The following CSMD1 variants were observed in gnomAD, a reference collection of about 807,000 sequenced individuals.
CSMD1 encodes CUB and sushi domain-containing protein 1.
In CSMD1, 213 loss-of-function variants were observed where a neutral mutation model predicts 417.5. The ratio of observed to expected loss-of-function variants is 0.51; its 90% CI spans 0.46 to 0.57. The LOEUF (loss-of-function observed/expected upper bound fraction) is 0.57, where lower values mean the gene tolerates loss of function less well. Among genes scored for constraint, CSMD1 ranks in the 20% least tolerant of loss-of-function variants. The pLI is 0.00. For missense variants in CSMD1, 6,923 were observed against 4,529.7 expected (o/e 1.53, Z -15.17); for synonymous variants, 2,862 against 1,736.8 (o/e 1.65, Z -16.11).
Position 3,638,823 on chromosome 8 carries a change from C to A in CSMD1, c.1010-22026G>T, listed in dbSNP as rs575135452. On this transcript the variant is annotated intron_variant, in intron 7 of 69. Transcript: ENST00000635120. ...TGAGACTCCTCCCTCTCTCCTTCCT[C>A]ACACCTTGTCTCCAGGAAGATACCC... Among the ~76,000 whole-genome samples the A allele has an allele frequency of 1.7e-4, 26 of 152,272 alleles. 2 individuals are homozygous for A. Among genetic ancestry groups the A allele is most frequent in the Admixed American group, 8.5e-4 (13 of 15,298 alleles).
intron 11 of CSMD1, among the ~76,000 whole-genome samples, chr8:3,488,062 C>G (rs556292982): frequency 1.3e-5 from 2 of 149,444 alleles, no homozygotes; most frequent in South Asian, 4.2e-4. Flanking sequence ...AAACTCAAAC[C>G]AAATAAATGT....
intron 26 of CSMD1, among the ~76,000 whole-genome samples, chr8:3,245,460 T>C (rs1447094050): frequency 6.6e-6 from 1 of 152,206 alleles, no homozygotes; most frequent in African/African-American, 2.4e-5. Context: ...ACTTTCTCAG[T>C]TCCTTTGAAA....
intron 42 of CSMD1, among the ~76,000 whole-genome samples, chr8:3,117,654 G>C (rs939455895): frequency 2.6e-5 from 4 of 152,134 alleles, no homozygotes; most frequent in African/African-American, 9.7e-5. Flanking sequence ...TTGAAAAAAT[G>C]TCAAAGTCAT....
At chr8:3,039,177 C>G (rs62490500) in intron 50 of CSMD1, among the ~76,000 whole-genome samples, 2 of 150,812 alleles carry the variant, frequency 1.3e-5, no homozygotes, top group Admixed American at 1.3e-4. Context: ...AAGGTATATT[C>G]CTAGATTCCT....
chr8:4,185,416 A>G (rs908326493), intron 3 of CSMD1, among the ~76,000 whole-genome samples: 1 of 152,152 alleles, frequency 6.6e-6, no homozygotes, highest in Non-Finnish European at 1.5e-5. Context: ...AGCAATAAAC[A>G]TACACGTGTG....
intron 1 of CSMD1, among the ~76,000 whole-genome samples, chr8:4,681,205 A>T (rs921741285): frequency 6.6e-6 from 1 of 152,166 alleles, no homozygotes; most frequent in African/African-American, 2.4e-5. Flanking sequence ...CATTTTCTGT[A>T]GGAAATGAGA....
chr8:3,472,626 A>T (rs1210350618), intron 11 of CSMD1, among the ~76,000 whole-genome samples: 1 of 152,102 alleles, frequency 6.6e-6, no homozygotes, highest in Admixed American at 6.6e-5. Flanking sequence ...CACTAGACAC[A>T]TGGTGCCACA....
intron 1 of CSMD1, among the ~76,000 whole-genome samples, chr8:4,922,731 C>G (rs1041853941): frequency 2.0e-5 from 3 of 152,118 alleles, no homozygotes; most frequent in Non-Finnish European, 4.4e-5. Context: ...ATTCTGTGTT[C>G]TCACGCCCCT....
intron 1 of CSMD1, among the ~76,000 whole-genome samples, chr8:4,858,367 C>G (rs868083094): frequency 2.6e-5 from 4 of 151,584 alleles, no homozygotes; most frequent in Non-Finnish European, 5.9e-5. Flanking sequence ...GACAGGGATG[C>G]CCTCTCTCAC....
At chr8:3,597,481 A>G (rs1801149947) in intron 8 of CSMD1, among the ~76,000 whole-genome samples, 1 of 152,168 alleles carries the variant, frequency 6.6e-6, no homozygotes, top group Non-Finnish European at 1.5e-5. Context: ...AGGCTATTAA[A>G]TAGTTGTAAA....
chr8:3,260,637 A>AT (rs916918924), intron 26 of CSMD1, among the ~76,000 whole-genome samples: 2 of 151,886 alleles, frequency 1.3e-5, no homozygotes, highest in Admixed American at 1.3e-4. Flanking sequence ...GGAGAGAAAC[A>AT]TTTTTGACAA....
chr8:4,022,603 G>T (rs1003301340), intron 4 of CSMD1, among the ~76,000 whole-genome samples: 3 of 152,148 alleles, frequency 2.0e-5, no homozygotes, highest in Admixed American at 6.6e-5. Flanking sequence ...CCAAGTTACT[G>T]CTTTGCGACA....
chr8:3,027,235 C>T (rs1245512434), intron 51 of CSMD1, among the ~76,000 whole-genome samples: 1 of 152,028 alleles, frequency 6.6e-6, no homozygotes, highest in Non-Finnish European at 1.5e-5. Flanking sequence ...ACAAAAGTAA[C>T]AATATACTCC....
chr8:3,594,735 A>G (rs181800601), intron 8 of CSMD1, among the ~76,000 whole-genome samples: 154 of 152,260 alleles, frequency 1.0e-3, no homozygotes, highest in African/African-American at 3.6e-3. Flanking sequence ...ATATTAACAC[A>G]AAGCACAGAA....
At chr8:3,601,896 G>T (rs1332139365) in intron 8 of CSMD1, among the ~76,000 whole-genome samples, 1 of 152,124 alleles carries the variant, frequency 6.6e-6, no homozygotes, top group Non-Finnish European at 1.5e-5. Context: ...TCACAGATCT[G>T]CCCTAGAGAG....
At chr8:4,269,074 T>G (rs963744391) in intron 3 of CSMD1, among the ~76,000 whole-genome samples, 4 of 152,332 alleles carry the variant, frequency 2.6e-5, no homozygotes, top group African/African-American at 9.6e-5. Flanking sequence ...TTTTTGTTTT[T>G]GAGACGGAGT....
chr8:3,666,021 G>A (rs1415123383), intron 7 of CSMD1, among the ~76,000 whole-genome samples: 1 of 152,108 alleles, frequency 6.6e-6, no homozygotes, highest in Non-Finnish European at 1.5e-5. Flanking sequence ...AGCCTCCACG[G>A]AGTAGGTGGG....
At chr8:3,899,080 G>A (rs368841382) in intron 5 of CSMD1, among the ~76,000 whole-genome samples, 11 of 152,186 alleles carry the variant, frequency 7.2e-5, no homozygotes, top group African/African-American at 1.2e-4. Context: ...AATAAATAGA[G>A]AAGGGTTCAT....
chr8:2,998,553 C>T (rs1471500364), intron 53 of CSMD1, among the ~76,000 whole-genome samples: 1 of 152,188 alleles, frequency 6.6e-6, no homozygotes, highest in African/African-American at 2.4e-5. Context: ...AACATTTTCT[C>T]CATACACACC....
Sources: allele counts gnomAD v4.1 joint callset (sites outside exome capture counted in the v4.1 genomes callset), GRCh38; gene constraint gnomAD v4.1.1; transcripts MANE v1.5; gene names NCBI Gene and HGNC (gene_info 2026-07-23, HGNC 2026-07-21).